Variants in SMARCAD1 observed in about 807,000 individuals in gnomAD.
The protein encoded by SMARCAD1 is SNF2 related chromatin remodeling ATPase with DExD box 1.
SMARCAD1 carries 25 observed loss-of-function variants against 127.1 expected under a neutral mutation model. The ratio of observed to expected loss-of-function variants is 0.20; its 90% CI spans 0.14 to 0.27. The LOEUF (loss-of-function observed/expected upper bound fraction) is 0.27. Among genes scored for constraint, SMARCAD1 ranks in the 10% least tolerant of loss-of-function variants. The pLI, the probability that SMARCAD1 is intolerant of heterozygous loss-of-function variation, is 1.00. For synonymous variants in SMARCAD1, 400 were observed against 396.9 expected (o/e 1.01, Z -0.09); for missense variants, 807 against 1,206.0 (o/e 0.67, Z 4.90).
rs1755553738 is a variant in SMARCAD1, at chr4:94,290,572, C to G, written c.*1038C>G. The G allele has an allele frequency of 2.2e-6, 1 of 454,354 alleles. No homozygotes were observed. Among genetic ancestry groups the G allele is most frequent in the Non-Finnish European group, 4.4e-6 (1 of 226,750 alleles). The allele number at this position is 454,354 out of a possible 1,614,324, so 28.1% of individuals were successfully genotyped here. ...TATATTTTACCAGTTTCCAGAATTT[C>G]CAGTACAGGACCGCCTGAAGAGAGA... is the stretch of plus-strand genomic sequence containing the variant. On this transcript the variant is annotated 3_prime_UTR_variant, in exon 24 of 24. Coordinates refer to ENST00000354268, the MANE Select transcript of SMARCAD1 (RefSeq NM_020159.5).
At chr4:94,275,063 A>G in intron 14 of SMARCAD1, 98 bp downstream of exon 14, 1 of 870,942 alleles carries the variant, frequency 1.1e-6, no homozygotes, top group Non-Finnish European at 1.9e-6. Context: ...TTATGCTGTT[A>G]ACTGTGATAC....
chr4:94,254,945 T>A (rs1212491752), intron 9 of SMARCAD1, among the ~76,000 whole-genome samples: 1 of 152,058 alleles, frequency 6.6e-6, no homozygotes, highest in African/African-American at 2.4e-5. Context: ...AGATTTAATA[T>A]CTTAATAAAA....
At chr4:94,259,345 G>C (rs1750606410) in intron 9 of SMARCAD1, among the ~76,000 whole-genome samples, 1 of 152,268 alleles carries the variant, frequency 6.6e-6, no homozygotes, top group African/African-American at 2.4e-5. Flanking sequence ...TGTCACAGCA[G>C]AATCTAATCA....
chr4:94,261,358 C>G (rs933832799), intron 9 of SMARCAD1, among the ~76,000 whole-genome samples: 7 of 152,178 alleles, frequency 4.6e-5, no homozygotes, highest in Non-Finnish European at 8.8e-5. Context: ...TGCTTAGGCA[C>G]TAACCTTCAA....
intron 2 of SMARCAD1, among the ~76,000 whole-genome samples, chr4:94,220,202 A>G (rs541552280): frequency 6.6e-6 from 1 of 152,330 alleles, no homozygotes; most frequent in East Asian, 1.9e-4. Flanking sequence ...ATTATTGACT[A>G]TACCAGTATG....
Position 94,291,058 on chromosome 4 carries a change from C to T in SMARCAD1, c.*1524C>T, listed in dbSNP as rs77484816. 5.8e-3 allele frequency: 2,553 copies of T among 442,516 alleles called. 23 individuals carry two copies. The highest frequency in any genetic ancestry group is 9.5e-3 in the Non-Finnish European group (2,119 of 222,322). 27.4% of individuals were successfully genotyped at this position (442,516 alleles called of 1,614,324 possible). On this transcript the variant is annotated 3_prime_UTR_variant, in exon 24 of 24. Transcript: ENST00000354268. ...CATGTGTTAATACTACCTCCTTGTA[C>T]ATCACTATACCCAAATCAGTTATTC... is the stretch of plus-strand genomic sequence containing the variant.
In SMARCAD1 at chr4:94,252,612, A is replaced by G. The variant is rs61755305; in HGVS notation, c.890-4A>G. 4.6e-4 allele frequency: 710 copies of G among 1,531,136 alleles called. 3 individuals are homozygous for G. The highest frequency in any genetic ancestry group is 7.3e-4 in the Admixed American group (33 of 45,346). The allele number at this position is 1,531,136 out of a possible 1,614,324, so 94.8% of individuals were successfully genotyped here. A position where few individuals can be genotyped will look rare whatever the true frequency, so the allele number is the denominator to read the frequency against. On this transcript the variant is annotated splice_polypyrimidine_tract_variant and splice_region_variant and intron_variant, in intron 8 of 23. Coordinates refer to ENST00000354268, the MANE Select transcript of SMARCAD1 (RefSeq NM_020159.5). ...TAGTTACTGTTTTTGTCTTTTATAT[A>G]CAGATATGCAATATGTATCACAAAG... is the stretch of plus-strand genomic sequence containing the variant.
chr4:94,264,022 G>A (rs538398757), intron 9 of SMARCAD1, among the ~76,000 whole-genome samples: 33 of 151,950 alleles, frequency 2.2e-4, no homozygotes, highest in African/African-American at 6.3e-4. Flanking sequence ...GAAATTCTGT[G>A]AGTTTTCACA....
intron 2 of SMARCAD1, among the ~76,000 whole-genome samples, chr4:94,220,964 C>T (rs548659865): frequency 2.2e-4 from 33 of 152,344 alleles, no homozygotes; most frequent in African/African-American, 7.9e-4. Context: ...TTGCTTTGTG[C>T]TAACCAGTCA....
chr4:94,279,092 GGTTAA>G (rs781672945), intron 19 of SMARCAD1, 42 bp downstream of exon 19: 59 of 1,612,190 alleles, frequency 3.7e-5, no homozygotes, highest in Non-Finnish European at 4.8e-5. Flanking sequence ...TTTAATAAGA[GGTTAA>G]GTTGTTAGGC....
intron 6 of SMARCAD1, chr4:94,248,563 A>G: frequency 2.2e-6 from 1 of 455,844 alleles, no homozygotes; most frequent in Admixed American, 2.4e-5. Context: ...AGTATGTCTT[A>G]TTATTCCCCT....
At chr4:94,245,539 A>G (rs944444543) in intron 6 of SMARCAD1, among the ~76,000 whole-genome samples, 1 of 152,214 alleles carries the variant, frequency 6.6e-6, no homozygotes, top group Non-Finnish European at 1.5e-5. Flanking sequence ...AAGTTAGTAC[A>G]GCAGACATAA....
chr4:94,289,395 G>GA (rs758038823), intron 23 of SMARCAD1, 78 bp from the exon 24 acceptor site: 38 of 1,321,624 alleles, frequency 2.9e-5, no homozygotes, highest in Non-Finnish European at 3.7e-5. Context: ...ATTCACCAAA[G>GA]AAAAAAAATA....
At chr4:94,256,195 C>T (rs913745014) in intron 9 of SMARCAD1, among the ~76,000 whole-genome samples, 1 of 152,118 alleles carries the variant, frequency 6.6e-6, no homozygotes, top group Non-Finnish European at 1.5e-5. Context: ...ATCAGTAACT[C>T]AACCTGGAAA....
chr4:94,208,473 C>G lies in SMARCAD1; in HGVS notation c.79C>G (p.Pro27Ala), dbSNP rs748529019. ...GGAAGCGCCCGAAGCAACCCCTCAA[C>G]CTTCCCAGCCTGGCCCTTCTTCACC... is the stretch of plus-strand genomic sequence containing the variant. ...IEEAPEATPQPSQPGPSSPIS... is the reference protein window; with the variant it reads ...IEEAPEATPQASQPGPSSPIS... The change falls in exon 2 of 24, where the codon CCT becomes GCT. Residue 27 changes from proline to alanine, a missense_variant. Around this residue, in one of 8 missense-constraint regions of SMARCAD1, gnomAD observed 175 missense variants for 169.5 expected, o/e 1.03. Transcript: ENST00000354268. 1 of 1,614,124 alleles carries G rather than the reference C, an allele frequency of 6.2e-7. No individual in the cohort carries two copies.
chr4:94,208,694 C>A, intron 2 of SMARCAD1, 110 bp downstream of exon 2: 1 of 1,060,036 alleles, frequency 9.4e-7, no homozygotes, highest in Non-Finnish European at 1.4e-6. Flanking sequence ...GATGCATTGT[C>A]CTGCGGTGTG....
At chr4:94,238,053 T>C (rs900175601) in intron 5 of SMARCAD1, among the ~76,000 whole-genome samples, 7 of 152,182 alleles carry the variant, frequency 4.6e-5, no homozygotes, top group Non-Finnish European at 8.8e-5. Context: ...GTTTAAAATA[T>C]GTACAAAAAT....
chr4:94,223,064 A>G (rs976696552), intron 2 of SMARCAD1, among the ~76,000 whole-genome samples: 1 of 152,192 alleles, frequency 6.6e-6, no homozygotes. Context: ...ATAAAGAGTC[A>G]TGTTCAGGAA....
chr4:94,267,413 GT>G (rs1404517404), intron 10 of SMARCAD1, among the ~76,000 whole-genome samples: 1 of 152,084 alleles, frequency 6.6e-6, no homozygotes, highest in Admixed American at 6.6e-5. Context: ...TCCGTAACCT[GT>G]TTTCTATGAA....
Sources: gnomAD v4.1 joint callset for allele counts (sites outside exome capture counted in the v4.1 genomes callset) on GRCh38, gnomAD v4.1.1 for gene constraint, gnomAD v4.1.1 regional missense constraint, MANE v1.5 for transcripts, NCBI Gene and HGNC (gene_info 2026-07-23, HGNC 2026-07-21) for gene names.